NCKAP1: variants seen among roughly 807,000 people sequenced by gnomAD.
NCKAP1 encodes NCK associated protein 1, also known as nck-associated protein 1.
In NCKAP1, 21 loss-of-function variants were observed where a neutral mutation model predicts 151.2. That is an observed-to-expected ratio of 0.14 (90% confidence interval 0.10 to 0.20). The LOEUF (loss-of-function observed/expected upper bound fraction) is 0.20. Ranked by LOEUF, NCKAP1 falls within the 10% of genes least tolerant of loss-of-function variation. NCKAP1 has a pLI of 1.00. For synonymous variants in NCKAP1, 484 were observed against 451.8 expected, an observed-to-expected ratio of 1.07 and a Z score of -0.90; for missense variants, 933 against 1,352.1, an observed-to-expected ratio of 0.69 and a Z score of 4.86.
At position 182,926,903 on chromosome 2, in the gene NCKAP1, A is replaced by G; in HGVS notation, c.3183T>C (p.Leu1061=). The change falls in exon 30 of 31, where the codon CTT becomes CTC. Residue 1061 remains leucine, a splice_region_variant and synonymous_variant. Coordinates refer to ENST00000361354, the MANE Select transcript of NCKAP1 (RefSeq NM_013436.5). ...CAATTTTCAGTAGACTGGAGGATGC[A>G]AGCTTAAAAGTATACATACACATAA... is the stretch of plus-strand genomic sequence containing the variant. ...IEDRLKEFLA[L]ASSSLLKIGQ... is the part of the protein sequence containing the mutation. 1 of 1,591,966 alleles carries G rather than the reference A, an allele frequency of 6.3e-7. No homozygotes were observed. Among genetic ancestry groups the G allele is most frequent in the East Asian group, 2.2e-5 (1 of 44,574 alleles).
chr2:182,966,813 A>G (rs567357195), intron 16 of NCKAP1, among the ~76,000 whole-genome samples: 1 of 152,200 alleles, frequency 6.6e-6, no homozygotes, highest in Non-Finnish European at 1.5e-5. Context: ...TCTTCATATT[A>G]ATGTTTAATT....
In NCKAP1 at chr2:182,920,881, C is replaced by G. The variant is rs1011061841; in HGVS notation, c.*4821G>C. The G allele has an allele frequency of 1.1e-5, 1 of 94,912 alleles. No homozygotes were observed. The highest frequency in any genetic ancestry group is 2.8e-5 in the African/African-American group (1 of 36,240). The allele number at this position is 94,912 out of a possible 1,614,324, so 5.9% of individuals were successfully genotyped here. Reference sequence around the variant, plus strand: ...TTAAGTAATTGTGTGATGCAGCAAACACATGCATAAAAAAAAAATCAGAAA... The same window carrying G: ...TTAAGTAATTGTGTGATGCAGCAAAGACATGCATAAAAAAAAAATCAGAAA... On this transcript the variant is annotated 3_prime_UTR_variant, in exon 31 of 31. Coordinates refer to ENST00000361354, the MANE Select transcript of NCKAP1 (RefSeq NM_013436.5).
chr2:182,937,820 G>GT (rs1420940485), intron 24 of NCKAP1, among the ~76,000 whole-genome samples: 2 of 152,166 alleles, frequency 1.3e-5, no homozygotes, highest in African/African-American at 4.8e-5. Flanking sequence ...GTTTTCCAGT[G>GT]TGAGTCAATG....
intron 8 of NCKAP1, among the ~76,000 whole-genome samples, chr2:182,993,812 CA>C (rs1471147045): frequency 6.6e-6 from 1 of 152,110 alleles, no homozygotes; most frequent in Non-Finnish European, 1.5e-5. Context: ...CCATGACATG[CA>C]ATTTACCTAT....
intron 14 of NCKAP1, among the ~76,000 whole-genome samples, chr2:182,978,382 C>T (rs1242557759): frequency 2.0e-5 from 3 of 152,072 alleles, no homozygotes; most frequent in Non-Finnish European, 2.9e-5. Context: ...TAGAGCTTGG[C>T]AAATTATGTT....
intron 13 of NCKAP1, among the ~76,000 whole-genome samples, chr2:182,979,180 T>A (rs1440221660): frequency 2.0e-5 from 3 of 152,112 alleles, no homozygotes; most frequent in African/African-American, 4.8e-5. Flanking sequence ...GAAAAAGTAT[T>A]TTTAAGGCGA....
intron 1 of NCKAP1, among the ~76,000 whole-genome samples, chr2:183,036,744 T>C (rs1012663188): frequency 1.3e-5 from 2 of 150,946 alleles, no homozygotes; most frequent in African/African-American, 2.5e-5. Flanking sequence ...GGACACTCTT[T>C]AGAATTAGTG....
intron 18 of NCKAP1, among the ~76,000 whole-genome samples, chr2:182,960,793 G>A (rs2105831501): frequency 6.6e-6 from 1 of 152,236 alleles, no homozygotes; most frequent in South Asian, 2.1e-4. Context: ...GAGTGAACAG[G>A]CAACCTAAAG....
rs1215057869 is a variant in NCKAP1 at position 182,918,418 on chromosome 2, G to A, written c.*7284C>T. On this transcript the variant is annotated 3_prime_UTR_variant, in exon 31 of 31. Transcript: ENST00000361354. ...TTGCAGCACAATTCATAACTGCAAA[G>A]ATATGGAACCAACCTAAGTGCCCAC... is the stretch of plus-strand genomic sequence containing the variant. 1 of 152,138 alleles carries A rather than the reference G, an allele frequency of 6.6e-6. No individual in the cohort carries two copies. The allele number at this position is 152,138 out of a possible 1,614,324, so 9.4% of individuals were successfully genotyped here.
rs1696407990 is a variant in NCKAP1, at chr2:182,912,314, A to G, written c.*13388T>C. 6.6e-6 allele frequency: 1 copy of G among 152,172 alleles called. No individual in the cohort carries two copies. The highest frequency in any genetic ancestry group is 2.1e-4 in the South Asian group (1 of 4,830). 9.4% of individuals were successfully genotyped at this position (152,172 alleles called of 1,614,324 possible). On this transcript the variant is annotated 3_prime_UTR_variant, in exon 31 of 31. Coordinates refer to ENST00000361354, the MANE Select transcript of NCKAP1 (RefSeq NM_013436.5). ...CCATTGCTAAAAATCAACCAACTAT[A>G]AACAGTTACCACAGTTCTGTTTTTG...
chr2:182,946,769 A>G (rs1172841161), intron 23 of NCKAP1, among the ~76,000 whole-genome samples: 1 of 152,064 alleles, frequency 6.6e-6, no homozygotes, highest in Non-Finnish European at 1.5e-5. Flanking sequence ...CAGCAGAAAA[A>G]ACAAGATCAA....
chr2:183,003,442 G>A (rs1302350044), intron 2 of NCKAP1, 117 bp from the exon 3 acceptor site: 5 of 664,128 alleles, frequency 7.5e-6, no homozygotes, highest in Non-Finnish European at 1.0e-5. Context: ...AATATTTCTA[G>A]ATGATTACGG....
intron 24 of NCKAP1, among the ~76,000 whole-genome samples, chr2:182,937,186 T>C (rs1039003233): frequency 6.9e-6 from 1 of 145,508 alleles, no homozygotes; most frequent in Non-Finnish European, 1.5e-5. Flanking sequence ...CAGTGTGATA[T>C]AGCCATATAT....
chr2:183,025,366 G>A (rs1035822126), intron 1 of NCKAP1, among the ~76,000 whole-genome samples: 2 of 152,080 alleles, frequency 1.3e-5, no homozygotes, highest in East Asian at 1.9e-4. Flanking sequence ...AACGGTAGCC[G>A]AGAATAAAAA....
At chr2:182,968,818 T>C (rs1697628173) in intron 15 of NCKAP1, among the ~76,000 whole-genome samples, 1 of 152,176 alleles carries the variant, frequency 6.6e-6, no homozygotes. Context: ...GAGAGTAAAT[T>C]ATCACCTTGT....
chr2:182,966,975 T>C (rs549021724), intron 16 of NCKAP1, among the ~76,000 whole-genome samples: 1 of 152,232 alleles, frequency 6.6e-6, no homozygotes, highest in African/African-American at 2.4e-5. Context: ...CTCAAAAAAA[T>C]GTAAGAAATA....
At chr2:182,942,670 T>C (rs544891034) in intron 23 of NCKAP1, among the ~76,000 whole-genome samples, 1 of 151,882 alleles carries the variant, frequency 6.6e-6, no homozygotes, top group Non-Finnish European at 1.5e-5. Flanking sequence ...CAACAAAAAT[T>C]ATAAAATGGA....
chr2:182,922,112 G>A lies in NCKAP1; in HGVS notation c.*3590C>T, dbSNP rs1006686620. The A allele has an allele frequency of 6.6e-6, 1 of 152,138 alleles. No individual in the cohort carries two copies. The highest frequency in any genetic ancestry group is 2.4e-5 in the African/African-American group (1 of 41,432). The allele number at this position is 152,138 out of a possible 1,614,324, so 9.4% of individuals were successfully genotyped here. A position where few individuals can be genotyped will look rare whatever the true frequency, so the allele number is the denominator to read the frequency against. ...AAGAAGAAATGAAAGAAAGATGTAA[G>A]GAGTCACTACTTTAAGGATTATTCA... On this transcript the variant is annotated 3_prime_UTR_variant, in exon 31 of 31. Coordinates refer to ENST00000361354, the MANE Select transcript of NCKAP1 (RefSeq NM_013436.5).
Position 182,911,720 on chromosome 2 carries a change from A to T in NCKAP1, c.*13982T>A, listed in dbSNP as rs1696398672. On this transcript the variant is annotated 3_prime_UTR_variant, in exon 31 of 31. Coordinates refer to ENST00000361354, the MANE Select transcript of NCKAP1 (RefSeq NM_013436.5). ...CTATACTACTACAATGAGAAAACAG[A>T]TTGCTGTTGATGGGAATTATTAAAA... The T allele has an allele frequency of 6.6e-6, 1 of 152,062 alleles. No homozygotes were observed. Among genetic ancestry groups the T allele is most frequent in the African/African-American group, 2.4e-5 (1 of 41,416 alleles). The allele number at this position is 152,062 out of a possible 1,614,324, so 9.4% of individuals were successfully genotyped here.
Sources: allele counts gnomAD v4.1 joint callset (sites outside exome capture counted in the v4.1 genomes callset), GRCh38; gene constraint gnomAD v4.1.1; transcripts MANE v1.5; gene names NCBI Gene and HGNC (gene_info 2026-07-23, HGNC 2026-07-21).